Variants in ZBTB20 observed in about 807,000 individuals in gnomAD.
ZBTB20 encodes the protein zinc finger and BTB domain-containing protein 20.
A neutral mutation model predicts 56.9 loss-of-function variants in ZBTB20; 9 were observed. That is an observed-to-expected ratio of 0.16 (90% CI 0.10 to 0.28). The LOEUF (loss-of-function observed/expected upper bound fraction) is 0.28. ZBTB20 is among the 10% of genes least tolerant of loss of function. The pLI, the probability that ZBTB20 is intolerant of heterozygous loss-of-function variation, is 1.00. For missense variants in ZBTB20, 655 were observed against 1,003.0 expected, an observed-to-expected ratio of 0.65 and a Z score of 4.69; for synonymous variants, 417 against 420.7, an observed-to-expected ratio of 0.99 and a Z score of 0.11.
intron 1 of ZBTB20, among the ~76,000 whole-genome samples, chr3:115,078,224 GAAC>G (rs2082663855): frequency 1.3e-5 from 2 of 152,074 alleles, no homozygotes; most frequent in Admixed American, 1.3e-4. Context: ...ACACTATCTA[GAAC>G]AACGTGTTAT....
At chr3:114,915,979 A>G (rs1411721144) in intron 3 of ZBTB20, among the ~76,000 whole-genome samples, 2 of 151,972 alleles carry the variant, frequency 1.3e-5, no homozygotes, top group Non-Finnish European at 2.9e-5. Context: ...AGTCTTAGGT[A>G]TCCTTGAGAA....
intron 6 of ZBTB20, among the ~76,000 whole-genome samples, chr3:114,670,130 T>C (rs1207807097): frequency 1.3e-5 from 2 of 152,082 alleles, no homozygotes; most frequent in Non-Finnish European, 2.9e-5. Flanking sequence ...TTGACATTCA[T>C]AAGAGCATTT....
intron 2 of ZBTB20, among the ~76,000 whole-genome samples, chr3:114,983,735 G>C (rs2078423389): frequency 6.6e-6 from 1 of 151,942 alleles, no homozygotes. Context: ...CCAAAATACA[G>C]CCAACAGAGT....
At chr3:114,586,873 G>A in intron 6 of ZBTB20, among the ~76,000 whole-genome samples, 1 of 149,592 alleles carries the variant, frequency 6.7e-6, no homozygotes, top group South Asian at 2.1e-4. Context: ...GATGAAGAGT[G>A]CCTTCAGACT....
At chr3:114,610,441 A>G (rs1424397615) in intron 6 of ZBTB20, among the ~76,000 whole-genome samples, 1 of 152,124 alleles carries the variant, frequency 6.6e-6, no homozygotes, top group Non-Finnish European at 1.5e-5. Context: ...TTAATTTTCC[A>G]AACACCCTTT....
intron 5 of ZBTB20, among the ~76,000 whole-genome samples, chr3:114,745,093 T>C (rs2066927430): frequency 6.6e-6 from 1 of 152,156 alleles, no homozygotes; most frequent in South Asian, 2.1e-4. Context: ...ACCAAAAATA[T>C]AGACATGCTT....
rs1323754318 is a variant in ZBTB20 at position 114,351,235 on chromosome 3, G to A, written c.843C>T (p.His281=). 2 of 1,601,148 alleles carry A rather than the reference G, an allele frequency of 1.2e-6. No individual in the cohort carries two copies. The highest frequency in any genetic ancestry group is 4.5e-5 in the East Asian group (2 of 44,708). The change falls in exon 11 of 12, where the codon CAC becomes CAT. Residue 281 remains histidine, a synonymous_variant. Coordinates refer to ENST00000675478, the MANE Select transcript of ZBTB20 (RefSeq NM_001348800.3). ...GTGTGATCCAGCTGGGGTCTTCCAT[G>A]TGGTGGTCGCGGGGCAGGCCGAGCG... ...ETALGLPRDH[H]MEDPSWITRI...
intron 6 of ZBTB20, among the ~76,000 whole-genome samples, chr3:114,573,535 G>C (rs532245020): frequency 2.8e-4 from 38 of 136,612 alleles, no homozygotes; most frequent in African/African-American, 1.0e-3. Flanking sequence ...GAGAGAGAAA[G>C]AGAGAAAGGG....
intron 2 of ZBTB20, among the ~76,000 whole-genome samples, chr3:114,981,034 G>A (rs886760361): frequency 5.3e-5 from 8 of 151,812 alleles, no homozygotes; most frequent in African/African-American, 1.7e-4. Flanking sequence ...TGCCTTAGAG[G>A]ATGGCTCTTG....
intron 2 of ZBTB20, among the ~76,000 whole-genome samples, chr3:114,998,397 C>A (rs2079113278): frequency 1.3e-5 from 2 of 151,788 alleles, no homozygotes; most frequent in Non-Finnish European, 1.5e-5. Flanking sequence ...TCTGAAACCT[C>A]TGAAAATAAC....
intron 6 of ZBTB20, among the ~76,000 whole-genome samples, chr3:114,649,536 T>C (rs1040866157): frequency 2.6e-5 from 4 of 152,004 alleles, no homozygotes; most frequent in Non-Finnish European, 4.4e-5. Context: ...GTGTACTTCA[T>C]CAGGATGTAC....
intron 7 of ZBTB20, among the ~76,000 whole-genome samples, chr3:114,440,400 G>T (rs2090833356): frequency 2.0e-5 from 3 of 151,934 alleles, no homozygotes; most frequent in Admixed American, 2.0e-4. Context: ...TATGGAATTG[G>T]GTATCCTTTA....
intron 5 of ZBTB20, among the ~76,000 whole-genome samples, chr3:114,778,178 T>G (rs1296826303): frequency 6.7e-6 from 1 of 149,230 alleles, no homozygotes; most frequent in African/African-American, 2.5e-5. Context: ...CACACCAACA[T>G]GGCACATGTG....
At chr3:114,732,414 T>C (rs2065826798) in intron 5 of ZBTB20, among the ~76,000 whole-genome samples, 1 of 152,150 alleles carries the variant, frequency 6.6e-6, no homozygotes, top group Non-Finnish European at 1.5e-5. Flanking sequence ...ACCTGCAAAC[T>C]GGAACAACTG....
intron 10 of ZBTB20, among the ~76,000 whole-genome samples, chr3:114,375,247 T>C (rs1281854923): frequency 1.3e-5 from 2 of 152,226 alleles, no homozygotes; most frequent in African/African-American, 2.4e-5. Flanking sequence ...TTCAAATATA[T>C]ACTCAAGCAT....
At chr3:114,468,397 T>C (rs1231872616) in intron 7 of ZBTB20, among the ~76,000 whole-genome samples, 2 of 152,172 alleles carry the variant, frequency 1.3e-5, no homozygotes, top group African/African-American at 4.8e-5. Context: ...GACTTACTTA[T>C]TCACTTATTT....
At chr3:115,041,072 G>A (rs2081122610) in intron 2 of ZBTB20, among the ~76,000 whole-genome samples, 1 of 152,156 alleles carries the variant, frequency 6.6e-6, no homozygotes. Context: ...GTTGGTGCAT[G>A]ATGGAAAAGG....
At chr3:115,086,113 A>G (rs2082977304) in intron 1 of ZBTB20, among the ~76,000 whole-genome samples, 1 of 151,888 alleles carries the variant, frequency 6.6e-6, no homozygotes, top group African/African-American at 2.4e-5. Flanking sequence ...GTATGATGAA[A>G]GCACAGCATT....
At chr3:114,856,269 C>G (rs1399916025) in intron 4 of ZBTB20, among the ~76,000 whole-genome samples, 1 of 152,102 alleles carries the variant, frequency 6.6e-6, no homozygotes, top group Non-Finnish European at 1.5e-5. Context: ...GATCTTCATG[C>G]CAGTTCTGAG....
Sources: gnomAD v4.1 joint callset for allele counts (sites outside exome capture counted in the v4.1 genomes callset) on GRCh38, gnomAD v4.1.1 for gene constraint, MANE v1.5 for transcripts, NCBI Gene and HGNC (gene_info 2026-07-23, HGNC 2026-07-21) for gene names.